Variants in YWHAE observed in about 807,000 individuals in gnomAD.
YWHAE encodes tyrosine 3-monooxygenase/tryptophan 5-monooxygenase activation protein epsilon, also known as 14-3-3 protein epsilon.
A neutral mutation model predicts 30.1 loss-of-function variants in YWHAE; 4 were observed. The observed-to-expected ratio is 0.13, with a 90% CI of 0.07 to 0.30. YWHAE has a LOEUF of 0.30. Ranked by LOEUF, YWHAE falls within the 10% of genes least tolerant of loss-of-function variation. The probability of loss-of-function intolerance (pLI) is 1.00; values close to 1 mark genes in which losing one functional copy is unlikely to be tolerated. For missense variants in YWHAE, 121 were observed against 315.9 expected (o/e 0.38, Z 4.68); for synonymous variants, 118 against 111.8 (o/e 1.06, Z -0.35).
At chr17:1,395,606 G>C (rs985245499) in intron 1 of YWHAE, among the ~76,000 whole-genome samples, 2 of 152,194 alleles carry the variant, frequency 1.3e-5, no homozygotes, top group Admixed American at 1.3e-4. Flanking sequence ...CAGAAAGTTA[G>C]TCCATTAACT....
chr17:1,388,254 C>G (rs1398098736), intron 1 of YWHAE, among the ~76,000 whole-genome samples: 1 of 150,088 alleles, frequency 6.7e-6, no homozygotes, highest in Non-Finnish European at 1.5e-5. Flanking sequence ...CTGTGGCTCA[C>G]GCCTGTAATC....
chr17:1,357,021 G>A (rs1200189453), intron 4 of YWHAE, among the ~76,000 whole-genome samples: 2 of 151,640 alleles, frequency 1.3e-5, no homozygotes, highest in African/African-American at 2.4e-5. Flanking sequence ...TGTAATCCCA[G>A]CACTTTGGGA....
chr17:1,391,102 A>T (rs1388429218), intron 1 of YWHAE, among the ~76,000 whole-genome samples: 7 of 152,222 alleles, frequency 4.6e-5, no homozygotes, highest in Admixed American at 4.6e-4. Context: ...GAACTGGCTC[A>T]AGGTAGCCAT....
chr17:1,393,747 T>G (rs1398247790), intron 1 of YWHAE, among the ~76,000 whole-genome samples: 1 of 152,172 alleles, frequency 6.6e-6, no homozygotes, highest in Admixed American at 6.5e-5. Flanking sequence ...CTTTTCTTTT[T>G]TTGGTTGTTT....
chr17:1,367,647 C>G (rs1045645607), intron 1 of YWHAE, among the ~76,000 whole-genome samples: 3 of 152,096 alleles, frequency 2.0e-5, no homozygotes, highest in African/African-American at 7.2e-5. Context: ...GCGAGAGACT[C>G]TGTGTCCAGA....
chr17:1,347,153 C>G (rs1280919767), intron 5 of YWHAE, among the ~76,000 whole-genome samples: 1 of 137,200 alleles, frequency 7.3e-6, no homozygotes, highest in Non-Finnish European at 1.6e-5. Context: ...CAGTGAAACC[C>G]TGTCTCTACT....
In YWHAE at chr17:1,390,700, C is replaced by G. The variant is rs182655489; in HGVS notation, c.64+9347G>C. On this transcript the variant is annotated intron_variant, in intron 1 of 5. Transcript: ENST00000264335. ...TGATGAAATACTGTCATAACTCTTA[C>G]AGTAATGCATCTCCTTCAAACTTTA... Among the ~76,000 whole-genome samples the G allele has an allele frequency of 2.6e-5, 4 of 152,310 alleles. No homozygotes were observed. The East Asian group carries it at 7.7e-4, about 29-fold the overall frequency.
At chr17:1,399,117 T>C (rs1453516440) in intron 1 of YWHAE, 1 of 152,162 alleles carries the variant, frequency 6.6e-6, no homozygotes, top group African/African-American at 2.4e-5. Flanking sequence ...AACTGTAAAG[T>C]CATCGTTTTT....
Position 1,361,264 on chromosome 17 carries a change from C to T in YWHAE, c.406G>A (p.Ala136Thr). ...GCCTCCTTCCTGTCGTTTCCTGTGG[C>T]AAATTCTGCCAGATACCTGTGGTAG... ...GDYHRYLAEFATGNDRKEAAE... is the reference protein window; with the variant it reads ...GDYHRYLAEFTTGNDRKEAAE... Residue 136 changes from alanine (A) to threonine (T), a missense_variant, in exon 4 of 6, where the codon GCC becomes ACC. Coordinates refer to ENST00000264335, the MANE Select transcript of YWHAE (RefSeq NM_006761.5). 6.2e-7 allele frequency: 1 copy of T among 1,611,324 alleles called. No homozygotes were observed. The highest frequency in any genetic ancestry group is 8.5e-7 in the Non-Finnish European group (1 of 1,179,114).
intron 1 of YWHAE, among the ~76,000 whole-genome samples, chr17:1,398,334 T>TCCCCCC (rs11389163): frequency 2.0e-5 from 2 of 100,882 alleles, no homozygotes. Flanking sequence ...CCCCATCTTA[T>TCCCCCC]CCCCCCCCCC....
chr17:1,364,177 GA>G (rs989262706), intron 2 of YWHAE, among the ~76,000 whole-genome samples: 7 of 146,992 alleles, frequency 4.8e-5, no homozygotes, highest in Middle Eastern at 3.3e-3. Context: ...AATCCTCAGG[GA>G]AAAAAAAAGA....
chr17:1,368,214 A>G (rs2072975762), intron 1 of YWHAE, among the ~76,000 whole-genome samples: 1 of 152,074 alleles, frequency 6.6e-6, no homozygotes, highest in Non-Finnish European at 1.5e-5. Context: ...TGGAGAAACT[A>G]AAAATACAAA....
intron 1 of YWHAE, among the ~76,000 whole-genome samples, chr17:1,384,487 C>T (rs962052591): frequency 2.0e-5 from 3 of 149,590 alleles, no homozygotes; most frequent in Admixed American, 6.7e-5. Context: ...GTCAGGAGAT[C>T]AAGACCATCC....
chr17:1,376,058 A>T lies in YWHAE; in HGVS notation c.65-11000T>A, dbSNP rs556336591. ...CATTTTAGAATATCTCCATATACTG[A>T]AGAACACGAAGGTTAAACTTGTTCC... On this transcript the variant is annotated intron_variant, in intron 1 of 5. Coordinates refer to ENST00000264335, the MANE Select transcript of YWHAE (RefSeq NM_006761.5). 2.6e-5 allele frequency among the ~76,000 whole-genome samples: 4 copies of T among 152,348 alleles called. No individual in the cohort carries two copies. In the South Asian group the frequency reaches 6.2e-4, roughly 24 times the overall value.
Position 1,368,313 on chromosome 17 carries a change from T to C in YWHAE, c.65-3255A>G, listed in dbSNP as rs542500801. On this transcript the variant is annotated intron_variant, in intron 1 of 5. Coordinates refer to ENST00000264335, the MANE Select transcript of YWHAE (RefSeq NM_006761.5). ...ATTGCTTGAACTCGGGAGGCGGAGG[T>C]TGCACTGAGTGGAGATCGCGCCACT... Among the ~76,000 whole-genome samples the C allele has an allele frequency of 2.7e-5, 4 of 150,670 alleles. 1 individual carries two copies. The highest frequency in any genetic ancestry group is 3.9e-4 in the East Asian group (2 of 5,138).
intron 5 of YWHAE, among the ~76,000 whole-genome samples, chr17:1,348,287 G>C (rs533029442): frequency 6.6e-6 from 1 of 152,158 alleles, no homozygotes; most frequent in African/African-American, 2.4e-5. Context: ...GGAGAGAGGG[G>C]AACAGGCAGG....
intron 1 of YWHAE, among the ~76,000 whole-genome samples, chr17:1,371,764 C>T (rs1268397262): frequency 1.3e-5 from 2 of 152,042 alleles, no homozygotes; most frequent in African/African-American, 4.8e-5. Context: ...GTGGTGTGGT[C>T]ACCATCAATA....
chr17:1,360,478 C>T (rs1209299722), intron 4 of YWHAE, among the ~76,000 whole-genome samples: 4 of 151,964 alleles, frequency 2.6e-5, no homozygotes. Flanking sequence ...AAACAGAACA[C>T]TGGCTGGGTG....
chr17:1,358,316 T>C (rs549229905), intron 4 of YWHAE, among the ~76,000 whole-genome samples: 1 of 152,184 alleles, frequency 6.6e-6, no homozygotes, highest in East Asian at 2.0e-4. Flanking sequence ...CTTGGCTCAC[T>C]GCAAGTTCCG....
Sources: gnomAD v4.1 joint callset for allele counts (sites outside exome capture counted in the v4.1 genomes callset) on GRCh38, gnomAD v4.1.1 for gene constraint, MANE v1.5 for transcripts, NCBI Gene and HGNC (gene_info 2026-07-23, HGNC 2026-07-21) for gene names.